The following TAB2 variants were observed in gnomAD, a reference collection of about 807,000 sequenced individuals.
The protein encoded by TAB2 is TGF-beta activated kinase 1 (MAP3K7) binding protein 2.
In TAB2, 3 loss-of-function variants were observed where a neutral mutation model predicts 65.0. The ratio of observed to expected loss-of-function variants is 0.05; its 90% CI spans 0.02 to 0.12. TAB2 has a LOEUF of 0.12. Ranked by LOEUF, TAB2 falls within the 10% of genes least tolerant of loss-of-function variation. The pLI is 1.00. For missense variants in TAB2, 623 were observed against 840.3 expected, an observed-to-expected ratio of 0.74 and a Z score of 3.20; for synonymous variants, 298 against 285.1, an observed-to-expected ratio of 1.05 and a Z score of -0.46.
chr6:149,270,717 G>C (rs1439553809), intron 1 of TAB2, among the ~76,000 whole-genome samples: 1 of 152,166 alleles, frequency 6.6e-6, no homozygotes, highest in Non-Finnish European at 1.5e-5. Context: ...TTTCATCACA[G>C]ATGCACATGG....
chr6:149,357,428 A>C (rs564225848), intron 1 of TAB2, among the ~76,000 whole-genome samples: 1,540 of 65,578 alleles, frequency 0.023, 76 homozygotes, highest in African/African-American at 0.081. Flanking sequence ...GGAGAAAAAA[A>C]AAACACACAC....
At chr6:149,237,529 T>G (rs948016263) in intron 1 of TAB2, among the ~76,000 whole-genome samples, 1 of 152,204 alleles carries the variant, frequency 6.6e-6, no homozygotes, top group Admixed American at 6.5e-5. Context: ...CAGGCCTCTT[T>G]CCATGCGTAA....
chr6:149,409,514 T>C, intron 6 of TAB2, 63 bp from the exon 7 acceptor site: 2 of 1,486,258 alleles, frequency 1.3e-6, no homozygotes, highest in Non-Finnish European at 1.9e-6. Flanking sequence ...TGTTTAAAGT[T>C]GCCTGTAATT....
chr6:149,379,334 C>T lies in TAB2; in HGVS notation c.1419C>T (p.Pro473=), dbSNP rs1217981398. Residue 473 remains proline, a synonymous_variant, in exon 3 of 7, where the codon CCC becomes CCT. Coordinates refer to ENST00000637181, the MANE Select transcript of TAB2 (RefSeq NM_001292034.3). ...TFKITVSPNK[P]PAVSPGVVSP... ...AAATTACAGTCTCTCCCAATAAGCCCCCTGCAGTTTCACCAGGGGTGGTGT... is the reference window on the plus strand; with the variant it reads ...AAATTACAGTCTCTCCCAATAAGCCTCCTGCAGTTTCACCAGGGGTGGTGT... 6.2e-7 allele frequency: 1 copy of T among 1,614,208 alleles called. No homozygotes were observed. The highest frequency in any genetic ancestry group is 8.5e-7 in the Non-Finnish European group (1 of 1,180,040).
chr6:149,357,430 AAC>A (rs1554261742), intron 1 of TAB2, among the ~76,000 whole-genome samples: 1,644 of 111,124 alleles, frequency 0.015, 38 homozygotes, highest in African/African-American at 0.041. Context: ...AGAAAAAAAA[AAC>A]ACACACACAC....
chr6:149,277,848 T>C (rs773853842), intron 1 of TAB2, among the ~76,000 whole-genome samples: 1 of 152,218 alleles, frequency 6.6e-6, no homozygotes, highest in African/African-American at 2.4e-5. Context: ...AAAGGCATCA[T>C]ATTCATTTTA....
intron 1 of TAB2, among the ~76,000 whole-genome samples, chr6:149,267,560 A>G (rs1218736952): frequency 1.3e-5 from 2 of 152,158 alleles, no homozygotes; most frequent in African/African-American, 4.8e-5. Context: ...GTTCATTGCA[A>G]TATCACCTAC....
intron 3 of TAB2, chr6:149,379,978 G>T: frequency 2.2e-6 from 1 of 449,632 alleles, no homozygotes; most frequent in Non-Finnish European, 4.5e-6. Context: ...GGTGGCTCAC[G>T]CCTGTAATTC....
intron 1 of TAB2, among the ~76,000 whole-genome samples, chr6:149,219,419 G>T (rs1777094732): frequency 6.6e-6 from 1 of 151,906 alleles, no homozygotes; most frequent in South Asian, 2.1e-4. Context: ...CCATTTTACA[G>T]ATAAGGAAAC....
At chr6:149,257,973 G>T (rs1778074644) in intron 1 of TAB2, among the ~76,000 whole-genome samples, 1 of 152,174 alleles carries the variant, frequency 6.6e-6, no homozygotes, top group African/African-American at 2.4e-5. Context: ...GCAAGCTTTT[G>T]CCCACATGAG....
intron 6 of TAB2, among the ~76,000 whole-genome samples, chr6:149,407,777 A>T (rs927030138): frequency 9.7e-5 from 14 of 143,996 alleles, no homozygotes; most frequent in African/African-American, 2.3e-4. Flanking sequence ...ACCTCTAATT[A>T]AAAAAAAAAA....
In TAB2 at chr6:149,403,277, TATATATACACACAC is replaced by T. The variant is rs1232310723; in HGVS notation, c.1939+4095_1939+4108del. The stretch of plus-strand genomic sequence containing the variant: ...ATATATATATATATATATATATATA[TATATATACACACAC>T]ACACATATATATATATATATATACA... On this transcript the variant is annotated intron_variant, in intron 6 of 6. Transcript: ENST00000637181. Among the ~76,000 whole-genome samples, 52 of 42,152 alleles carry T rather than the reference TATATATACACACAC, an allele frequency of 1.2e-3. 1 individual carries two copies. The highest frequency in any genetic ancestry group is 7.6e-3 in the Middle Eastern group (1 of 132). The allele number at this position is 42,152 out of a possible 152,430, so 27.7% of individuals were successfully genotyped here. A position where few individuals can be genotyped will look rare whatever the true frequency, so the allele number is the denominator to read the frequency against.
chr6:149,397,807 G>A, intron 4 of TAB2, 43 bp downstream of exon 4: 1 of 1,607,334 alleles, frequency 6.2e-7, no homozygotes, highest in Non-Finnish European at 8.5e-7. Flanking sequence ...TTGAACATGA[G>A]AGTAGGCCAT....
chr6:149,328,128 C>G (rs149552783), intron 1 of TAB2, among the ~76,000 whole-genome samples: 12 of 152,282 alleles, frequency 7.9e-5, no homozygotes, highest in South Asian at 2.1e-4. Flanking sequence ...TTAACCAAAC[C>G]AAGCTATCTA....
chr6:149,253,943 AG>A (rs1777918091), intron 1 of TAB2, among the ~76,000 whole-genome samples: 1 of 39,020 alleles, frequency 2.6e-5, no homozygotes, highest in Non-Finnish European at 7.4e-5. Context: ...AGAAAGAAAG[AG>A]AAAGAAAGAA....
intron 1 of TAB2, among the ~76,000 whole-genome samples, chr6:149,267,642 G>A (rs371428018): frequency 7.2e-5 from 11 of 152,040 alleles, no homozygotes; most frequent in South Asian, 2.1e-4. Context: ...GTTATGCTCC[G>A]AGAAATGCGT....
chr6:149,323,663 A>T (rs909492824), intron 1 of TAB2, among the ~76,000 whole-genome samples: 3 of 152,186 alleles, frequency 2.0e-5, no homozygotes, highest in Admixed American at 6.5e-5. Flanking sequence ...GCTGTAAGTT[A>T]TCCTCTACCT....
In TAB2 at chr6:149,399,013, G is replaced by A. The variant is rs765452021; in HGVS notation, c.1859-91G>A. 7.8e-5 allele frequency: 83 copies of A among 1,066,608 alleles called. No individual in the cohort carries two copies. The Middle Eastern group carries it at 1.4e-3, about 18-fold the overall frequency. The allele number at this position is 1,066,608 out of a possible 1,614,324, so 66.1% of individuals were successfully genotyped here. ...ATAAATGAAAAGCATTTCTTATAGC[G>A]TGTTTATTTTTAGAAAGAAATACTT... On this transcript the variant is annotated intron_variant, in intron 5 of 6. Coordinates refer to ENST00000637181, the MANE Select transcript of TAB2 (RefSeq NM_001292034.3).
intron 1 of TAB2, chr6:149,342,896 A>G (rs1284610738): frequency 6.6e-6 from 1 of 152,180 alleles, no homozygotes; most frequent in Non-Finnish European, 1.5e-5. Context: ...TATTAAATCT[A>G]TAGTAACTAA....
Sources: gnomAD v4.1 joint callset for allele counts (sites outside exome capture counted in the v4.1 genomes callset) on GRCh38, gnomAD v4.1.1 for gene constraint, MANE v1.5 for transcripts, NCBI Gene and HGNC (gene_info 2026-07-23, HGNC 2026-07-21) for gene names.